The following RANBP2 variants were observed in gnomAD, a reference collection of about 807,000 sequenced individuals.
The protein encoded by RANBP2 is RAN binding protein 2.
RANBP2 carries 57 observed loss-of-function variants against 303.6 expected under a neutral mutation model. The ratio of observed to expected loss-of-function variants is 0.19; its 90% CI spans 0.15 to 0.23. The LOEUF is 0.23. Among genes scored for constraint, RANBP2 ranks in the 10% least tolerant of loss-of-function variants. RANBP2 has a pLI of 1.00. For missense variants in RANBP2, 3,138 were observed against 3,780.8 expected, an observed-to-expected ratio of 0.83 and a Z score of 4.46; for synonymous variants, 1,167 against 1,301.5, an observed-to-expected ratio of 0.90 and a Z score of 2.23.
At chr2:109,480,901 C>G in the RANBP2 span, among the ~76,000 whole-genome samples, 1 of 152,124 alleles carries the variant, frequency 6.6e-6, no homozygotes, top group African/African-American at 2.4e-5. Context: ...TGGTTTCTGT[C>G]TTAAAAGAAT....
At chr2:109,492,096 C>T in the RANBP2 span, among the ~76,000 whole-genome samples, 1 of 152,248 alleles carries the variant, frequency 6.6e-6, no homozygotes, top group Non-Finnish European at 1.5e-5. Context: ...CCTCTGCCTT[C>T]ACGGTGGAAG....
chr2:109,347,648 G>A, the RANBP2 span: 3 of 1,608,088 alleles, frequency 1.9e-6, no homozygotes, highest in Non-Finnish European at 2.6e-6. Flanking sequence ...CATGCCCGGT[G>A]ACCACATGCT....
chr2:109,419,441 A>G, the RANBP2 span: 21 of 1,272,200 alleles, frequency 1.7e-5, no homozygotes, highest in East Asian at 5.1e-5. Flanking sequence ...CAGCTGGCGA[A>G]GCACAGGCAC....
At chr2:109,624,182 G>T in the RANBP2 span, among the ~76,000 whole-genome samples, 2 of 152,200 alleles carry the variant, frequency 1.3e-5, no homozygotes, top group Non-Finnish European at 2.9e-5. Context: ...CTTCACTCAG[G>T]TGGTGCTCCA....
At chr2:109,609,154 G>C in the RANBP2 span, among the ~76,000 whole-genome samples, 2 of 152,216 alleles carry the variant, frequency 1.3e-5, no homozygotes, top group Non-Finnish European at 2.9e-5. Context: ...TCAGCCTAGG[G>C]AAAGTGGGGC....
chr2:109,290,099 G>A, the RANBP2 span, among the ~76,000 whole-genome samples: 1 of 152,200 alleles, frequency 6.6e-6, no homozygotes, highest in African/African-American at 2.4e-5. Flanking sequence ...AATGCTGCTG[G>A]TCCGTGGACC....
At chr2:109,646,018 G>T in the RANBP2 span, among the ~76,000 whole-genome samples, 21 of 152,322 alleles carry the variant, frequency 1.4e-4, no homozygotes, top group African/African-American at 4.3e-4. Context: ...AAGGAAACGT[G>T]AAGCCTGACA....
At chr2:109,062,627 G>A in the RANBP2 span, among the ~76,000 whole-genome samples, 2 of 152,296 alleles carry the variant, frequency 1.3e-5, no homozygotes, top group East Asian at 3.9e-4. Flanking sequence ...CCCATTTACA[G>A]ATGAGGGGCC....
the RANBP2 span, among the ~76,000 whole-genome samples, chr2:108,914,382 T>A: frequency 6.6e-6 from 1 of 152,208 alleles, no homozygotes; most frequent in African/African-American, 2.4e-5. Flanking sequence ...TATTTCTGCC[T>A]AGGATTTTTC....
chr2:109,016,508 C>A, the RANBP2 span, among the ~76,000 whole-genome samples: 1 of 152,216 alleles, frequency 6.6e-6, no homozygotes, highest in Admixed American at 6.5e-5. Flanking sequence ...ATGTGACTTG[C>A]TTTGGCCAGT....
the RANBP2 span, among the ~76,000 whole-genome samples, chr2:109,149,378 T>C: frequency 6.6e-6 from 1 of 152,226 alleles, no homozygotes; most frequent in Non-Finnish European, 1.5e-5. Flanking sequence ...GCAGAGACTT[T>C]CGTTATTAAT....
At chr2:109,318,461 C>T in the RANBP2 span, among the ~76,000 whole-genome samples, 5 of 152,312 alleles carry the variant, frequency 3.3e-5, no homozygotes, top group East Asian at 5.8e-4. Context: ...GGGTGGCTCT[C>T]GGCATACGCG....
At chr2:109,730,049 T>A in the RANBP2 span, among the ~76,000 whole-genome samples, 1 of 152,112 alleles carries the variant, frequency 6.6e-6, no homozygotes, top group African/African-American at 2.4e-5. Context: ...TCCAATCACC[T>A]TTCTCCCTCA....
rs1573820153 is a variant in RANBP2 at position 108,767,396 on chromosome 2, A to G, written c.6857A>G (p.Gln2286Arg). 2 of 1,612,038 alleles carry G rather than the reference A, an allele frequency of 1.2e-6. No individual in the cohort carries two copies. ...SPSKSPAKLN[Q>R]SGTSVGTDEE... is the part of the protein sequence containing the mutation. ...TCTAAGTCTCCTGCCAAGTTGAATC[A>G]GAGTGGGACTTCAGTTGGCACTGAT... The change falls in exon 20 of 29, where the codon CAG becomes CGG. Residue 2286 changes from glutamine (Q) to arginine (R), a missense_variant. Around this residue, in one of 20 missense-constraint regions of RANBP2, gnomAD observed 72 missense variants for 86.8 expected, o/e 0.83. Transcript: ENST00000283195.
At chr2:109,117,788 C>G in the RANBP2 span, among the ~76,000 whole-genome samples, 14 of 152,244 alleles carry the variant, frequency 9.2e-5, 2 homozygotes, top group East Asian at 2.7e-3. Context: ...CTGCTTCCAC[C>G]CAGCATTTTT....
chr2:109,615,226 C>T, the RANBP2 span: 1 of 1,545,786 alleles, frequency 6.5e-7, no homozygotes, highest in African/African-American at 1.4e-5. Flanking sequence ...GACAGCGCAT[C>T]GGTGGCCTCG....
the RANBP2 span, among the ~76,000 whole-genome samples, chr2:109,405,695 A>T: frequency 6.6e-6 from 1 of 152,186 alleles, no homozygotes; most frequent in Middle Eastern, 3.4e-3. Flanking sequence ...GCAGCTTTCT[A>T]TGGCCCCATG....
At chr2:108,807,380 T>C in the RANBP2 span, among the ~76,000 whole-genome samples, 4 of 152,210 alleles carry the variant, frequency 2.6e-5, no homozygotes, top group Non-Finnish European at 5.9e-5. Flanking sequence ...GGTTTTAAAA[T>C]TATTTTTAAT....
the RANBP2 span, among the ~76,000 whole-genome samples, chr2:109,194,575 C>T: frequency 2.6e-5 from 4 of 152,184 alleles, no homozygotes; most frequent in East Asian, 3.9e-4. Context: ...CAGGGCCCGG[C>T]GGGCGGGCTG....
Sources: allele counts gnomAD v4.1 joint callset (sites outside exome capture counted in the v4.1 genomes callset), GRCh38; gene constraint gnomAD v4.1.1; regional missense constraint gnomAD v4.1.1; transcripts MANE v1.5; gene names NCBI Gene and HGNC (gene_info 2026-07-23, HGNC 2026-07-21).